The following GAN variants were observed in gnomAD, a reference collection of about 807,000 sequenced individuals.
GAN encodes gigaxonin, also known as epididymis secretory sperm binding protein.
Under a neutral mutation model 71.3 loss-of-function variants are expected in GAN, and 48 were observed. That is an observed-to-expected ratio of 0.67 (90% CI 0.53 to 0.86). The LOEUF (loss-of-function observed/expected upper bound fraction) is 0.86, where lower values mean the gene tolerates loss of function less well. Ranked by LOEUF, GAN falls within the 40% of genes least tolerant of loss-of-function variation. GAN has a pLI of 0.00. For synonymous variants in GAN, 386 were observed against 276.8 expected (o/e 1.39, Z -3.92); for missense variants, 928 against 770.1 (o/e 1.21, Z -2.43).
rs144213475 is a variant in GAN, at chr16:81,362,952, C to T, written c.1086+341C>T. On this transcript the variant is annotated intron_variant, in intron 6 of 10. Coordinates refer to ENST00000648994, the MANE Select transcript of GAN (RefSeq NM_022041.4). ...CTTTCCTGTCCCCGTCTTCGTACGA[C>T]GTCTCACCATCTCACGGACCAGGCA... Among the ~76,000 whole-genome samples, 12 of 152,346 alleles carry T rather than the reference C, an allele frequency of 7.9e-5. No individual in the cohort carries two copies. In the East Asian group the frequency reaches 1.9e-3, roughly 24 times the overall value.
intron 9 of GAN, among the ~76,000 whole-genome samples, chr16:81,375,003 A>G (rs1260385629): frequency 7.2e-6 from 1 of 138,122 alleles, no homozygotes. Flanking sequence ...AGATAAAACT[A>G]AAAGTTCCAG....
chr16:81,360,447 G>A (rs1910637372), intron 5 of GAN, among the ~76,000 whole-genome samples: 1 of 152,088 alleles, frequency 6.6e-6, no homozygotes, highest in Admixed American at 6.5e-5. Context: ...CTTCTCTGGT[G>A]TGTATTTAAA....
chr16:81,315,100 G>A lies in GAN; in HGVS notation c.-14G>A. ...TCGGGAGCCGGACCCGTCGGCAGAG[G>A]AGCGGGCGCCGCGATGGCTGAGGGC... On this transcript the variant is annotated 5_prime_UTR_variant, in exon 1 of 11. Transcript: ENST00000648994. The A allele has an allele frequency of 2.0e-6, 3 of 1,484,026 alleles. No individual in the cohort carries two copies. Among genetic ancestry groups the A allele is most frequent in the Non-Finnish European group, 9.0e-7 (1 of 1,113,322 alleles). The allele number at this position is 1,484,026 out of a possible 1,614,324, so 91.9% of individuals were successfully genotyped here. A position where few individuals can be genotyped will look rare whatever the true frequency, so the allele number is the denominator to read the frequency against.
At chr16:81,367,310 G>T (rs760146449) in intron 9 of GAN, among the ~76,000 whole-genome samples, 1 of 152,014 alleles carries the variant, frequency 6.6e-6, no homozygotes, top group Non-Finnish European at 1.5e-5. Context: ...ATCACTTGAG[G>T]CCAGGAGTTC....
intron 9 of GAN, among the ~76,000 whole-genome samples, chr16:81,365,994 C>T (rs549356988): frequency 6.6e-6 from 1 of 152,280 alleles, no homozygotes; most frequent in Middle Eastern, 3.4e-3. Flanking sequence ...CTTTCCCCTG[C>T]AAACATGTGT....
intron 5 of GAN, among the ~76,000 whole-genome samples, chr16:81,360,567 A>G (rs1395653128): frequency 3.4e-5 from 5 of 147,530 alleles, no homozygotes; most frequent in Non-Finnish European, 7.5e-5. Context: ...TATTACATTT[A>G]TCCATTGATT....
intron 9 of GAN, among the ~76,000 whole-genome samples, chr16:81,372,293 A>G (rs1245744601): frequency 6.6e-6 from 1 of 152,222 alleles, no homozygotes; most frequent in Non-Finnish European, 1.5e-5. Context: ...TCGTTTAATG[A>G]TACCTTGTAA....
Position 81,356,829 on chromosome 16 carries a change from G to A in GAN, c.678G>A (p.Leu226=). The A allele has an allele frequency of 3.1e-6, 5 of 1,613,766 alleles. No individual in the cohort carries two copies. In the East Asian group the frequency reaches 1.1e-4, roughly 36 times the overall value. Residue 226 remains leucine, a synonymous_variant, in exon 4 of 11, where the codon TTG becomes TTA. Transcript: ENST00000648994. ...DVMSALWVSG[L]DSSYLREQML... is the part of the protein sequence containing the mutation. ...TGTCAGCTCTGTGGGTTTCAGGGTT[G>A]GACTCCAGTTATTTACGGGAACAGA...
Position 81,365,488 on chromosome 16 carries a change from A to T in GAN, c.1502+10A>T. The T allele has an allele frequency of 6.2e-7, 1 of 1,612,970 alleles. No homozygotes were observed. The highest frequency in any genetic ancestry group is 8.5e-7 in the Non-Finnish European group (1 of 1,179,384). On this transcript the variant is annotated intron_variant, in intron 9 of 10. Coordinates refer to ENST00000648994, the MANE Select transcript of GAN (RefSeq NM_022041.4). Reference sequence around the variant, plus strand: ...ATGATGAGTTTAAAAGGTAACTAAGAATGGTTTCACATAGCTACTGCAACT... The same window carrying T: ...ATGATGAGTTTAAAAGGTAACTAAGTATGGTTTCACATAGCTACTGCAACT...
intron 1 of GAN, among the ~76,000 whole-genome samples, chr16:81,332,159 C>G (rs997774015): frequency 7.9e-6 from 1 of 126,902 alleles, no homozygotes; most frequent in African/African-American, 3.3e-5. Context: ...GAAAATCTGT[C>G]TCAAAAAAAA....
chr16:81,315,644 G>A (rs976245879), intron 1 of GAN, among the ~76,000 whole-genome samples: 6 of 152,138 alleles, frequency 3.9e-5, no homozygotes, highest in African/African-American at 1.4e-4. Context: ...GCCGGGACCC[G>A]CACCTGCGGG....
intron 1 of GAN, among the ~76,000 whole-genome samples, chr16:81,351,174 G>C (rs1378180138): frequency 6.6e-6 from 1 of 152,176 alleles, no homozygotes; most frequent in Non-Finnish European, 1.5e-5. Flanking sequence ...AGACCATCTG[G>C]TTAGAAGCGG....
rs1395975757 is a variant in GAN at position 81,390,528 on chromosome 16, C to T, written c.*12932C>T. The T allele has an allele frequency of 1.3e-5, 2 of 152,184 alleles. No homozygotes were observed. Among genetic ancestry groups the T allele is most frequent in the Non-Finnish European group, 2.9e-5 (2 of 68,022 alleles). 9.4% of individuals were successfully genotyped at this position (152,184 alleles called of 1,614,324 possible). On this transcript the variant is annotated 3_prime_UTR_variant, in exon 11 of 11. Transcript: ENST00000648994. ...CCTTCTCACGAACCCAGGACCTGTGCTTGGGGAACATTTTGCCATCATGCT... is the reference window on the plus strand; with the variant it reads ...CCTTCTCACGAACCCAGGACCTGTGTTTGGGGAACATTTTGCCATCATGCT...
chr16:81,344,966 A>C (rs1179076051), intron 1 of GAN, among the ~76,000 whole-genome samples: 1 of 152,222 alleles, frequency 6.6e-6, no homozygotes, highest in African/African-American at 2.4e-5. Context: ...ACTTCTCAAA[A>C]GAAGACATTT....
chr16:81,384,112 A>G lies in GAN; in HGVS notation c.*6516A>G, dbSNP rs1169911987. ...AATTGGATGAGAATTACATGCACTT[A>G]TTCAGTTGTTCTTTGTGTTTATAGG... On this transcript the variant is annotated 3_prime_UTR_variant, in exon 11 of 11. Transcript: ENST00000648994. 6.6e-6 allele frequency: 1 copy of G among 152,062 alleles called. No individual in the cohort carries two copies. Among genetic ancestry groups the G allele is most frequent in the African/African-American group, 2.4e-5 (1 of 41,396 alleles). 9.4% of individuals were successfully genotyped at this position (152,062 alleles called of 1,614,324 possible).
chr16:81,345,646 G>T (rs184178862), intron 1 of GAN, among the ~76,000 whole-genome samples: 1 of 152,156 alleles, frequency 6.6e-6, no homozygotes, highest in Non-Finnish European at 1.5e-5. Flanking sequence ...TCTGATGTAG[G>T]TGACGGGTTA....
chr16:81,356,769 C>T lies in GAN; in HGVS notation c.634-16C>T, dbSNP rs763938888. The T allele has an allele frequency of 6.4e-7, 1 of 1,559,172 alleles. No individual in the cohort carries two copies. The highest frequency in any genetic ancestry group is 8.9e-7 in the Non-Finnish European group (1 of 1,129,848). ...TTTCCATTGTTTTCGCCCCATCTTTCTTCCCTCTTCTGCAGGTCCACATGA... is the reference window on the plus strand; with the variant it reads ...TTTCCATTGTTTTCGCCCCATCTTTTTTCCCTCTTCTGCAGGTCCACATGA... On this transcript the variant is annotated splice_polypyrimidine_tract_variant and intron_variant, in intron 3 of 10. Transcript: ENST00000648994.
chr16:81,315,602 A>G (rs1909009196), intron 1 of GAN, among the ~76,000 whole-genome samples: 1 of 151,848 alleles, frequency 6.6e-6, no homozygotes, highest in Non-Finnish European at 1.5e-5. Context: ...GACCTCGGAG[A>G]CCCTGAGGCC....
intron 1 of GAN, among the ~76,000 whole-genome samples, chr16:81,332,715 T>G (rs1408164852): frequency 6.6e-6 from 1 of 152,232 alleles, no homozygotes; most frequent in East Asian, 1.9e-4. Context: ...TCCTTGTCTT[T>G]CATGACCACA....
Sources: gnomAD v4.1 joint callset for allele counts (sites outside exome capture counted in the v4.1 genomes callset) on GRCh38, gnomAD v4.1.1 for gene constraint, MANE v1.5 for transcripts, NCBI Gene and HGNC (gene_info 2026-07-23, HGNC 2026-07-21) for gene names.